Variants in CCDC12 observed in about 807,000 individuals in gnomAD.
CCDC12 encodes the protein coiled-coil domain containing 12.
In CCDC12, 28 loss-of-function variants were observed where a neutral mutation model predicts 25.7. The observed-to-expected ratio is 1.09, with a 90% CI of 0.81 to 1.50. The LOEUF is 1.50. CCDC12 is among the 40% of genes most tolerant of loss of function. The pLI is 0.00. For synonymous variants in CCDC12, 75 were observed against 87.7 expected (o/e 0.86, Z 0.81); for missense variants, 198 against 210.0 (o/e 0.94, Z 0.35).
In CCDC12 at chr3:46,976,645, C is replaced by T. The variant is rs952646892; in HGVS notation, c.88G>A (p.Gly30Arg). The T allele has an allele frequency of 1.2e-6, 2 of 1,610,906 alleles. No individual in the cohort carries two copies. Among genetic ancestry groups the T allele is most frequent in the Non-Finnish European group, 8.5e-7 (1 of 1,178,614 alleles). ...ERLKALREKT[G>R]RKDKEDGEPK... ...CACTCCACACTTCTCACCTTGCGCC[C>T]GGTTTTCTCCCGTAGGGCCTTCAGC... is the stretch of plus-strand genomic sequence containing the variant. The change falls in exon 1 of 7, where the codon GGG becomes AGG. Residue 30 changes from glycine (G) to arginine (R), a missense_variant. Coordinates refer to ENST00000683445, the MANE Select transcript of CCDC12 (RefSeq NM_001277074.2).
chr3:46,939,714 G>A (rs2033616895), intron 2 of CCDC12, among the ~76,000 whole-genome samples: 1 of 152,222 alleles, frequency 6.6e-6, no homozygotes, highest in South Asian at 2.1e-4. Context: ...CTGGTAGCAT[G>A]TCTGAACCCG....
chr3:46,960,889 G>A (rs537682661), intron 1 of CCDC12, among the ~76,000 whole-genome samples: 32 of 151,056 alleles, frequency 2.1e-4, no homozygotes, highest in African/African-American at 7.6e-4. Flanking sequence ...TGCTGCTTAT[G>A]TGTGTTTTGA....
intron 1 of CCDC12, among the ~76,000 whole-genome samples, chr3:46,954,608 T>A (rs2034230018): frequency 1.3e-5 from 2 of 152,176 alleles, no homozygotes; most frequent in Admixed American, 1.3e-4. Flanking sequence ...GTCAAGGGAA[T>A]AAGAGCTACC....
intron 2 of CCDC12, among the ~76,000 whole-genome samples, chr3:46,933,021 C>T (rs2033293667): frequency 6.6e-6 from 1 of 152,262 alleles, no homozygotes; most frequent in Non-Finnish European, 1.5e-5. Flanking sequence ...TCTGGCTCCT[C>T]AGGGACCAGC....
At chr3:46,981,659 G>A (rs1204654347), upstream of CCDC12, among the ~76,000 whole-genome samples, 2 of 152,084 alleles carry the variant, frequency 1.3e-5, no homozygotes, top group African/African-American at 2.4e-5. Flanking sequence ...CTCCTTCCTC[G>A]GACTGCCCCA....
upstream of CCDC12, chr3:46,976,952 G>T: frequency 2.1e-6 from 1 of 483,028 alleles, no homozygotes; most frequent in Non-Finnish European, 3.2e-6. Flanking sequence ...TGGGTGGGGA[G>T]CCAGCAAAAA....
intron 2 of CCDC12, among the ~76,000 whole-genome samples, chr3:46,926,381 A>G (rs1289688610): frequency 6.6e-6 from 1 of 152,262 alleles, no homozygotes; most frequent in African/African-American, 2.4e-5. Context: ...CCACCAGGAC[A>G]GCAGTGAGAA....
intron 1 of CCDC12, among the ~76,000 whole-genome samples, chr3:46,960,731 AG>A (rs1407586018): frequency 6.6e-6 from 1 of 152,220 alleles, no homozygotes. Context: ...AGGAAGGAAG[AG>A]GGCCAGGCAT....
chr3:46,936,055 A>C (rs1188217564), intron 2 of CCDC12, among the ~76,000 whole-genome samples: 1 of 152,210 alleles, frequency 6.6e-6, no homozygotes, highest in Admixed American at 6.5e-5. Context: ...GTGGCTCTTC[A>C]AGATGGCTGG....
chr3:46,957,617 T>C (rs1299614734), intron 1 of CCDC12, among the ~76,000 whole-genome samples: 1 of 152,088 alleles, frequency 6.6e-6, no homozygotes, highest in Non-Finnish European at 1.5e-5. Flanking sequence ...CTCCGTTACG[T>C]TTCAGTACTG....
At chr3:46,927,240 G>A (rs1156321334) in intron 2 of CCDC12, among the ~76,000 whole-genome samples, 1 of 152,142 alleles carries the variant, frequency 6.6e-6, no homozygotes, top group Non-Finnish European at 1.5e-5. Context: ...CACCTGCCTC[G>A]GGCCTGGAGG....
chr3:46,927,026 TC>T (rs2032990579), intron 2 of CCDC12, among the ~76,000 whole-genome samples: 1 of 152,150 alleles, frequency 6.6e-6, no homozygotes, highest in South Asian at 2.1e-4. Context: ...CTATTCACTC[TC>T]CTATTTAAGG....
intron 2 of CCDC12, among the ~76,000 whole-genome samples, chr3:46,934,639 G>A (rs563397977): frequency 2.0e-5 from 3 of 152,240 alleles, no homozygotes; most frequent in East Asian, 1.9e-4. Flanking sequence ...GGAGGTGCCC[G>A]GTGCCAGCAC....
At chr3:46,962,482 A>G (rs4525902) in intron 1 of CCDC12, among the ~76,000 whole-genome samples, 141,352 of 147,792 alleles carry the variant, frequency 0.96, 67,973 homozygotes, top group East Asian at 1. Flanking sequence ...CTGAAAAGTC[A>G]AAGCCAAGGC....
chr3:46,931,388 A>C (rs1477127884), intron 2 of CCDC12, among the ~76,000 whole-genome samples: 1 of 152,170 alleles, frequency 6.6e-6, no homozygotes, highest in Non-Finnish European at 1.5e-5. Flanking sequence ...ACCAGAGTAG[A>C]GTTCTAGAAT....
At chr3:46,969,188 T>C (rs1048290682) in intron 1 of CCDC12, among the ~76,000 whole-genome samples, 1 of 152,084 alleles carries the variant, frequency 6.6e-6, no homozygotes, top group Non-Finnish European at 1.5e-5. Context: ...AGCCCCTCCC[T>C]CTGGTTCCCT....
At chr3:46,924,735 C>A (rs892010517) in intron 3 of CCDC12, among the ~76,000 whole-genome samples, 1 of 152,180 alleles carries the variant, frequency 6.6e-6, no homozygotes, top group Admixed American at 6.5e-5. Context: ...GTAATCCCAG[C>A]TACTCAGGAG....
chr3:46,959,700 G>A lies in CCDC12; in HGVS notation c.96+16937C>T, dbSNP rs532911654. 2.0e-5 allele frequency among the ~76,000 whole-genome samples: 3 copies of A among 152,264 alleles called. 1 individual carries two copies. The South Asian group carries it at 6.2e-4, about 32-fold the overall frequency. On this transcript the variant is annotated intron_variant, in intron 1 of 6. Coordinates refer to ENST00000683445, the MANE Select transcript of CCDC12 (RefSeq NM_001277074.2). ...AAGTCAGAAAACGCTAGCCAGTGTG[G>A]GGGGACAGGGAGGTGGCAAGGAAGA...
chr3:46,957,960 TAC>T (rs367926661), intron 1 of CCDC12, among the ~76,000 whole-genome samples: 1,130 of 64,744 alleles, frequency 0.017, 24 homozygotes, highest in African/African-American at 0.055. Context: ...AAAAAATAAA[TAC>T]ACACACACAC....
Sources: allele counts gnomAD v4.1 joint callset (sites outside exome capture counted in the v4.1 genomes callset), GRCh38; gene constraint gnomAD v4.1.1; transcripts MANE v1.5; gene names NCBI Gene and HGNC (gene_info 2026-07-23, HGNC 2026-07-21).